CCDC178: variants seen among roughly 807,000 people sequenced by gnomAD.
CCDC178 encodes coiled-coil domain-containing protein 178.
A neutral mutation model predicts 117.4 loss-of-function variants in CCDC178; 126 were observed. The observed-to-expected ratio is 1.07, with a 90% CI of 0.93 to 1.24. The LOEUF (loss-of-function observed/expected upper bound fraction) is 1.24, where lower values mean the gene tolerates loss of function less well. Ranked by LOEUF, CCDC178 falls within the 50% of genes most tolerant of loss-of-function variation. The pLI, the probability that CCDC178 is intolerant of heterozygous loss-of-function variation, is 0.00. For synonymous variants in CCDC178, 283 were observed against 313.4 expected (o/e 0.90, Z 1.02); for missense variants, 1,030 against 986.9 (o/e 1.04, Z -0.59).
At chr18:33,343,887 T>A (rs2062849319) in intron 9 of CCDC178, among the ~76,000 whole-genome samples, 2 of 152,192 alleles carry the variant, frequency 1.3e-5, no homozygotes, top group African/African-American at 2.4e-5. Flanking sequence ...AATATATGTC[T>A]CTATACTTTG....
Position 33,226,738 on chromosome 18 carries a change from T to G in CCDC178, c.1656+55A>C. On this transcript the variant is annotated intron_variant, in intron 16 of 22. Coordinates refer to ENST00000383096, the MANE Select transcript of CCDC178 (RefSeq NM_001105528.4). ...CTCATTACAGGCAAATTTAAAATGC[T>G]AAGTAAAATGCAAATTAAAGGAAGA... The G allele has an allele frequency of 2.4e-6, 3 of 1,269,978 alleles. No homozygotes were observed. In the African/African-American group the frequency reaches 4.5e-5, roughly 19 times the overall value. The allele number at this position is 1,269,978 out of a possible 1,614,324, so 78.7% of individuals were successfully genotyped here.
intron 2 of CCDC178, 89 bp from the exon 3 acceptor site, chr18:33,412,199 G>GTGTAAAATGTAAGGA (rs1045785222): frequency 7.9e-6 from 4 of 506,742 alleles, no homozygotes; most frequent in Non-Finnish European, 1.4e-5. Context: ...AGAACTGATA[G>GTGTAAAATGTAAGGA]TGTAAAATGT....
At chr18:32,985,521 GC>G (rs1426092652) in intron 21 of CCDC178, among the ~76,000 whole-genome samples, 2 of 151,876 alleles carry the variant, frequency 1.3e-5, no homozygotes, top group African/African-American at 4.8e-5. Flanking sequence ...TGTCACAGAT[GC>G]CCAAAATTTA....
chr18:33,430,621 C>T (rs1283962504), intron 2 of CCDC178, among the ~76,000 whole-genome samples: 1 of 152,156 alleles, frequency 6.6e-6, no homozygotes, highest in Non-Finnish European at 1.5e-5. Context: ...TACGCCACTC[C>T]TTCAAGAGGA....
At chr18:33,145,821 T>A (rs556730952) in intron 20 of CCDC178, among the ~76,000 whole-genome samples, 10 of 152,320 alleles carry the variant, frequency 6.6e-5, no homozygotes, top group Admixed American at 5.9e-4. Context: ...TTTGTTACTT[T>A]GTGAAAGTGA....
intron 20 of CCDC178, among the ~76,000 whole-genome samples, chr18:33,102,351 T>A (rs910267152): frequency 6.6e-6 from 1 of 151,136 alleles, no homozygotes; most frequent in Admixed American, 6.6e-5. Flanking sequence ...ATGCTCTAAT[T>A]TCTGAATACC....
rs182976738 is a variant in CCDC178, at chr18:33,373,367, C to G, written c.209-3178G>C. Among the ~76,000 whole-genome samples the G allele has an allele frequency of 4.5e-3, 677 of 151,772 alleles. 3 individuals carry two copies. The highest frequency in any genetic ancestry group is 0.014 in the Admixed American group (210 of 15,206). On this transcript the variant is annotated intron_variant, in intron 5 of 22. Transcript: ENST00000383096. ...CTCTTCAAAATCTACAACTTCAATA[C>G]AATTTTTTTTTACTTGCCTTGTATG...
intron 11 of CCDC178, among the ~76,000 whole-genome samples, chr18:33,298,963 A>C (rs2062141788): frequency 6.6e-6 from 1 of 152,176 alleles, no homozygotes. Flanking sequence ...AACACTAATG[A>C]AAGAAATTGA....
At chr18:33,408,764 T>C (rs1450131568) in intron 3 of CCDC178, among the ~76,000 whole-genome samples, 1 of 152,172 alleles carries the variant, frequency 6.6e-6, no homozygotes, top group Non-Finnish European at 1.5e-5. Context: ...AAAAGACACA[T>C]TGGAAAAACC....
chr18:33,144,937 C>T (rs2058250880), intron 20 of CCDC178, among the ~76,000 whole-genome samples: 1 of 152,040 alleles, frequency 6.6e-6, no homozygotes, highest in Non-Finnish European at 1.5e-5. Flanking sequence ...CTTTCGAAGG[C>T]TATTAGTAAG....
At chr18:33,260,673 T>A (rs568066114) in intron 14 of CCDC178, among the ~76,000 whole-genome samples, 1 of 152,102 alleles carries the variant, frequency 6.6e-6, no homozygotes, top group Non-Finnish European at 1.5e-5. Flanking sequence ...TCATATTTAT[T>A]GATATTTTTC....
At chr18:32,943,684 C>A (rs1391319788) in intron 22 of CCDC178, among the ~76,000 whole-genome samples, 2 of 152,162 alleles carry the variant, frequency 1.3e-5, no homozygotes, top group Non-Finnish European at 2.9e-5. Flanking sequence ...GTTGTAAACA[C>A]TGAATATTCT....
At chr18:33,263,465 G>A (rs1414296637) in intron 14 of CCDC178, among the ~76,000 whole-genome samples, 1 of 152,018 alleles carries the variant, frequency 6.6e-6, no homozygotes, top group Admixed American at 6.6e-5. Flanking sequence ...TTTAAATGGT[G>A]TATTTAACAG....
intron 3 of CCDC178, among the ~76,000 whole-genome samples, chr18:33,408,503 T>C (rs564519437): frequency 6.6e-6 from 1 of 151,876 alleles, no homozygotes; most frequent in Non-Finnish European, 1.5e-5. Flanking sequence ...GAACTGTATA[T>C]GTATTACATT....
At chr18:33,153,547 T>C (rs1598938115) in intron 20 of CCDC178, among the ~76,000 whole-genome samples, 3 of 152,230 alleles carry the variant, frequency 2.0e-5, no homozygotes, top group East Asian at 1.9e-4. Context: ...CAAATACTTA[T>C]CAACAAATTG....
intron 21 of CCDC178, among the ~76,000 whole-genome samples, chr18:33,013,544 T>A (rs924516989): frequency 1.3e-5 from 2 of 152,226 alleles, no homozygotes; most frequent in Non-Finnish European, 2.9e-5. Context: ...TTTTATGACA[T>A]AAGGCTATGA....
At chr18:33,220,842 A>T (rs1599017507) in intron 18 of CCDC178, among the ~76,000 whole-genome samples, 1 of 151,936 alleles carries the variant, frequency 6.6e-6, no homozygotes, top group East Asian at 1.9e-4. Flanking sequence ...TGAACCAGTC[A>T]TTTTTCACTG....
At chr18:33,342,058 C>T (rs1376717200) in intron 9 of CCDC178, among the ~76,000 whole-genome samples, 1 of 152,062 alleles carries the variant, frequency 6.6e-6, no homozygotes. Flanking sequence ...TGATCTAGAA[C>T]CAGTGAAACT....
chr18:33,387,864 A>G (rs1028770006), intron 5 of CCDC178, among the ~76,000 whole-genome samples: 1 of 152,234 alleles, frequency 6.6e-6, no homozygotes, highest in African/African-American at 2.4e-5. Context: ...TACAAATGAG[A>G]TCTAATTAAA....
Sources: allele counts gnomAD v4.1 joint callset (sites outside exome capture counted in the v4.1 genomes callset), GRCh38; gene constraint gnomAD v4.1.1; transcripts MANE v1.5; gene names NCBI Gene and HGNC (gene_info 2026-07-23, HGNC 2026-07-21).